The following GCH1 variants were observed in gnomAD, a reference collection of about 807,000 sequenced individuals.
GCH1 encodes GTP cyclohydrolase I.
Under a neutral mutation model 25.9 loss-of-function variants are expected in GCH1, and 5 were observed. That is an observed-to-expected ratio of 0.19 (90% CI 0.10 to 0.41). The LOEUF is 0.41. GCH1 is among the 10% of genes least tolerant of loss of function. GCH1 has a pLI of 1.00. For synonymous variants in GCH1, 159 were observed against 129.6 expected (o/e 1.23, Z -1.54); for missense variants, 261 against 336.5 (o/e 0.78, Z 1.75).
At chr14:54,880,814 T>TATATATATATATACTCC in intron 1 of GCH1, among the ~76,000 whole-genome samples, 1 of 91,888 alleles carries the variant, frequency 1.1e-5, no homozygotes, top group African/African-American at 6.4e-5. Flanking sequence ...ATACTCCATA[T>TATATATATATATACTCC]ATATATATAT....
chr14:54,883,454 T>C (rs1595011456), intron 1 of GCH1, among the ~76,000 whole-genome samples: 1 of 138,782 alleles, frequency 7.2e-6, no homozygotes, highest in South Asian at 2.3e-4. Flanking sequence ...CCGAGGCAGG[T>C]GGATCACGAG....
chr14:54,899,778 C>A (rs780575782), intron 1 of GCH1, among the ~76,000 whole-genome samples: 1 of 152,182 alleles, frequency 6.6e-6, no homozygotes, highest in Non-Finnish European at 1.5e-5. Flanking sequence ...CCAAAGGAAG[C>A]TCCATACTCA....
At chr14:54,847,203 C>A in intron 3 of GCH1, 73 bp from the exon 4 acceptor site, 1 of 639,462 alleles carries the variant, frequency 1.6e-6, no homozygotes, top group Non-Finnish European at 2.8e-6. Flanking sequence ...CCTCATAAAA[C>A]AAAAAGGACA....
chr14:54,887,853 ATGTT>A (rs1477996566), intron 1 of GCH1, among the ~76,000 whole-genome samples: 2 of 152,204 alleles, frequency 1.3e-5, no homozygotes, highest in African/African-American at 4.8e-5. Context: ...GACTACTTTT[ATGTT>A]TGAAGGTTTT....
intron 1 of GCH1, chr14:54,885,927 A>C: frequency 4.9e-6 from 1 of 203,562 alleles, no homozygotes; most frequent in Non-Finnish European, 1.0e-5. Flanking sequence ...AAAACGGGCA[A>C]GCTTACAGCA....
At chr14:54,865,467 T>C (rs2039977536) in intron 1 of GCH1, 31 bp from the exon 2 acceptor site, 1 of 1,014,700 alleles carries the variant, frequency 9.9e-7, no homozygotes, top group Non-Finnish European at 1.6e-6. Flanking sequence ...TAGTAACATG[T>C]CCAATTTTAT....
At chr14:54,858,607 T>C (rs1458370352) in intron 3 of GCH1, among the ~76,000 whole-genome samples, 3 of 151,974 alleles carry the variant, frequency 2.0e-5, no homozygotes. Flanking sequence ...ATTTCAATTA[T>C]GATATGGTCA....
At chr14:54,850,097 C>T (rs1256770881) in intron 3 of GCH1, among the ~76,000 whole-genome samples, 1 of 151,954 alleles carries the variant, frequency 6.6e-6, no homozygotes, top group Non-Finnish European at 1.5e-5. Context: ...CCTCAGGTTC[C>T]CAAGTAGCTG....
intron 1 of GCH1, among the ~76,000 whole-genome samples, chr14:54,865,734 A>C (rs1418015171): frequency 1.3e-5 from 2 of 152,184 alleles, no homozygotes; most frequent in African/African-American, 4.8e-5. Context: ...AAAATAAAAC[A>C]GTGGCTATTT....
chr14:54,902,254 G>T, intron 1 of GCH1, 67 bp downstream of exon 1: 6 of 1,535,502 alleles, frequency 3.9e-6, no homozygotes, highest in South Asian at 1.1e-5. Flanking sequence ...TCCTGGAGCC[G>T]GCGCGCGTTT....
intron 1 of GCH1, among the ~76,000 whole-genome samples, chr14:54,879,801 A>G (rs1364552440): frequency 2.0e-5 from 3 of 152,088 alleles, no homozygotes; most frequent in Non-Finnish European, 4.4e-5. Context: ...CCTGGCTAAC[A>G]TGGTGAAACC....
intron 1 of GCH1, among the ~76,000 whole-genome samples, chr14:54,888,574 A>G (rs530458454): frequency 2.0e-5 from 3 of 150,618 alleles, no homozygotes; most frequent in East Asian, 1.9e-4. Flanking sequence ...GTGCAGTGGC[A>G]TGATCTCCGC....
At chr14:54,878,279 T>G (rs140498290) in intron 1 of GCH1, 1 of 152,800 alleles carries the variant, frequency 6.5e-6, no homozygotes, top group African/African-American at 2.4e-5. Context: ...CTGACGCATC[T>G]CCCTGGAAGG....
chr14:54,859,556 T>C (rs919932055), intron 3 of GCH1, 125 bp downstream of exon 3: 27 of 736,472 alleles, frequency 3.7e-5, no homozygotes, highest in African/African-American at 1.5e-4. Context: ...AGTCTTTAAG[T>C]TGCAATATGA....
chr14:54,846,885 A>AC (rs1314315421), intron 4 of GCH1, among the ~76,000 whole-genome samples: 1 of 152,020 alleles, frequency 6.6e-6, no homozygotes, highest in East Asian at 1.9e-4. Flanking sequence ...ATATGGTGAA[A>AC]CCCCGTCTCT....
chr14:54,856,276 G>C (rs2039810370), intron 3 of GCH1, among the ~76,000 whole-genome samples: 2 of 152,146 alleles, frequency 1.3e-5, no homozygotes, highest in South Asian at 4.1e-4. Flanking sequence ...GCTACAGCAG[G>C]CATTTCCATG....
At chr14:54,890,182 G>A (rs1015992730) in intron 1 of GCH1, among the ~76,000 whole-genome samples, 3 of 152,154 alleles carry the variant, frequency 2.0e-5, no homozygotes, top group Non-Finnish European at 4.4e-5. Context: ...GGGGATTCAC[G>A]AGAAAGAATA....
At chr14:54,847,515 T>C (rs954691886) in intron 3 of GCH1, among the ~76,000 whole-genome samples, 2 of 152,278 alleles carry the variant, frequency 1.3e-5, no homozygotes, top group Middle Eastern at 3.4e-3. Flanking sequence ...CCTACATCTT[T>C]CTCCAATGCT....
chr14:54,893,169 C>T (rs568438218), intron 1 of GCH1, among the ~76,000 whole-genome samples: 3 of 152,310 alleles, frequency 2.0e-5, no homozygotes, highest in African/African-American at 7.2e-5. Context: ...ACAGATTTAA[C>T]TTGGTTCAGA....
Sources: allele counts gnomAD v4.1 joint callset (sites outside exome capture counted in the v4.1 genomes callset), GRCh38; gene constraint gnomAD v4.1.1; transcripts MANE v1.5; gene names NCBI Gene and HGNC (gene_info 2026-07-23, HGNC 2026-07-21).